Variants in ASGR2 observed in about 807,000 individuals in gnomAD.
ASGR2 encodes asialoglycoprotein receptor 2, also known as C-type lectin domain family 4 member H2.
ASGR2 carries 34 observed loss-of-function variants against 32.3 expected under a neutral mutation model. That is an observed-to-expected ratio of 1.05 (90% CI 0.80 to 1.40). The LOEUF is 1.40. Among genes scored for constraint, ASGR2 ranks in the 40% most tolerant of loss-of-function variants. The pLI is 0.00. For missense variants in ASGR2, 385 were observed against 386.4 expected (o/e 1.00, Z 0.03); for synonymous variants, 143 against 150.0 (o/e 0.95, Z 0.34).
intron 7 of ASGR2, among the ~76,000 whole-genome samples, chr17:7,105,408 G>T (rs1448879442): frequency 6.6e-6 from 1 of 152,046 alleles, no homozygotes; most frequent in East Asian, 1.9e-4. Context: ...GATTACAGTG[G>T]CTCAGACACC....
intron 7 of ASGR2, among the ~76,000 whole-genome samples, chr17:7,104,759 G>A (rs2151708345): frequency 6.6e-6 from 1 of 151,608 alleles, no homozygotes; most frequent in South Asian, 2.1e-4. Flanking sequence ...GGCGGATCAC[G>A]AGGTCAGGAG....
At position 7,107,891 on chromosome 17, in the gene ASGR2, G is replaced by C; in HGVS notation, c.354C>G (p.Asp118Glu). The C allele has an allele frequency of 6.2e-7, 1 of 1,613,320 alleles. No individual in the cohort carries two copies. The highest frequency in any genetic ancestry group is 8.5e-7 in the Non-Finnish European group (1 of 1,179,942). ...GCTTGGCTCCTAGGGATGTGATCTT[G>C]TCACCCACGCTGCCTCCTGGAAGCG... is the stretch of plus-strand genomic sequence containing the variant. ...AISTHGGSVG[D>E]KITSLGAKLE... Residue 118 changes from aspartate to glutamate, a missense_variant, in exon 5 of 9, where the codon GAC becomes GAG. Coordinates refer to ENST00000691900, the MANE Select transcript of ASGR2 (RefSeq NM_001201352.2). This position sits in a 1 kb window ranked among gnomAD's most constrained non-coding sequence, Gnocchi z 5.0.
chr17:7,107,237 T>C lies in ASGR2; in HGVS notation c.490A>G (p.Ser164Gly), dbSNP rs750890050. 4.3e-6 allele frequency: 7 copies of C among 1,614,130 alleles called. No individual in the cohort carries two copies. The highest frequency in any genetic ancestry group is 1.1e-5 in the South Asian group (1 of 91,082). ...FVACQMELLH[S>G]NGSQRTCCPV... ...GAGACGGCCCCACCCCTACCGTTGC[T>C]GTGGAGGAGCTCCATCTGGCAGGCC... The change falls in exon 6 of 9, where the codon AGC (serine) becomes GGC (glycine). Residue 164 changes from serine (S) to glycine (G), a missense_variant. By Grantham distance (56) the Ser-to-Gly change is moderately conservative (BLOSUM62 0). Coordinates refer to ENST00000691900, the MANE Select transcript of ASGR2 (RefSeq NM_001201352.2). The surrounding 1 kb of genome is among the most constrained non-coding windows in gnomAD (Gnocchi z 5.0).
At chr17:7,103,743 C>T (rs1180290003) in intron 7 of ASGR2, among the ~76,000 whole-genome samples, 1 of 152,024 alleles carries the variant, frequency 6.6e-6, no homozygotes, top group Non-Finnish European at 1.5e-5. Flanking sequence ...GAAAAGAAGC[C>T]TTGTTTCGGA....
rs1478649379 is a variant in ASGR2, at chr17:7,104,372, C to CAAAAA, written c.649-2177_649-2176insTTTTT. 5.4e-4 allele frequency among the ~76,000 whole-genome samples: 46 copies of CAAAAA among 85,032 alleles called. 2 individuals are homozygous for CAAAAA. The highest frequency in any genetic ancestry group is 8.8e-4 in the Non-Finnish European group (38 of 43,396). The allele number at this position is 85,032 out of a possible 152,430, so 55.8% of individuals were successfully genotyped here. ...TTAAAAAAAAAAAAAAAAAAAAAAG[C>CAAAAA]CAGGCGTAGTGGCTCATGCCTGTAA... is the stretch of plus-strand genomic sequence containing the variant. On this transcript the variant is annotated intron_variant, in intron 7 of 8. Transcript: ENST00000691900.
intron 8 of ASGR2, 49 bp downstream of exon 8, chr17:7,102,041 G>T (rs763100608): frequency 6.4e-7 from 1 of 1,558,358 alleles, no homozygotes; most frequent in Non-Finnish European, 8.9e-7. Flanking sequence ...AGGCCAGGGG[G>T]CTGTCCCCAG....
Position 7,108,834 on chromosome 17 carries a change from C to A in ASGR2, c.179G>T (p.Ser60Ile), listed in dbSNP as rs947513966. 10 of 1,613,442 alleles carry A rather than the reference C, an allele frequency of 6.2e-6. No homozygotes were observed. Among genetic ancestry groups the A allele is most frequent in the Non-Finnish European group, 7.6e-6 (9 of 1,179,780 alleles). Residue 60 changes from serine (S) to isoleucine (I), a missense_variant, in exon 3 of 9, where the codon AGT becomes ATT. Coordinates refer to ENST00000691900, the MANE Select transcript of ASGR2 (RefSeq NM_001201352.2). The surrounding 1 kb of genome is among the most constrained non-coding windows in gnomAD (Gnocchi z 4.9). ...AQRLCSMVCF[S>I]LLALSFNILL... ...GATGTTGAAGCTCAGGGCAAGCAGA[C>A]TGAAGCAGACCATGGAGCAGAGACG...
At position 7,114,000 on chromosome 17, in the gene ASGR2, G is replaced by C. The variant is rs1398612149; in HGVS notation, c.124+117C>G. 6.9e-7 allele frequency: 1 copy of C among 1,452,018 alleles called. No individual in the cohort carries two copies. The highest frequency in any genetic ancestry group is 1.3e-5 in the South Asian group (1 of 77,128). The allele number at this position is 1,452,018 out of a possible 1,614,324, so 89.9% of individuals were successfully genotyped here. A position where few individuals can be genotyped will look rare whatever the true frequency, so the allele number is the denominator to read the frequency against. ...AGGTGAGGTGAGGGAACAAGCGGGG[G>C]TGTCGGGCCCTCCTCAGTCCCTGTT... On this transcript the variant is annotated intron_variant, in intron 2 of 8. Coordinates refer to ENST00000691900, the MANE Select transcript of ASGR2 (RefSeq NM_001201352.2). The surrounding 1 kb of genome is among the most constrained non-coding windows in gnomAD (Gnocchi z 5.1).
In ASGR2 at chr17:7,102,982, G is replaced by A. The variant is rs370630917; in HGVS notation, c.649-786C>T. On this transcript the variant is annotated intron_variant, in intron 7 of 8. Transcript: ENST00000691900. The stretch of plus-strand genomic sequence containing the variant: ...CCACGCGCACCCACACTCCCAGCAC[G>A]GTAGCCCCTCCAAGTGGCTTTCTCT... 4.1e-4 allele frequency among the ~76,000 whole-genome samples: 62 copies of A among 152,260 alleles called. No homozygotes were observed. In the South Asian group the frequency reaches 0.012, roughly 29 times the overall value.
intron 2 of ASGR2, among the ~76,000 whole-genome samples, chr17:7,110,793 C>T (rs887093979): frequency 6.6e-5 from 10 of 152,200 alleles, no homozygotes; most frequent in Admixed American, 3.9e-4. Context: ...TAGAACATGG[C>T]AGCTTTCAAG....
rs555774292 is a variant in ASGR2, at chr17:7,114,414, C to T, written c.-70-104G>A. ...TGGGTAGGATCTGAGGTTGGCAGGG[C>T]GTTTGGGATGAGGTTTGAAATCCCG... On this transcript the variant is annotated intron_variant, in intron 1 of 8. Coordinates refer to ENST00000691900, the MANE Select transcript of ASGR2 (RefSeq NM_001201352.2). The surrounding 1 kb of genome is among the most constrained non-coding windows in gnomAD (Gnocchi z 4.5). 4.9e-6 allele frequency: 7 copies of T among 1,430,524 alleles called. No individual in the cohort carries two copies. The African/African-American group carries it at 5.8e-5, about 12-fold the overall frequency. The allele number at this position is 1,430,524 out of a possible 1,614,324, so 88.6% of individuals were successfully genotyped here. A position where few individuals can be genotyped will look rare whatever the true frequency, so the allele number is the denominator to read the frequency against.
chr17:7,105,791 A>ATT (rs55800489), intron 7 of ASGR2, among the ~76,000 whole-genome samples: 11,399 of 146,216 alleles, frequency 0.078, 454 homozygotes, highest in Middle Eastern at 0.1. Context: ...TTAAATTAGC[A>ATT]TTTTTTTTTT....
rs1491090087 is a variant in ASGR2, at chr17:7,113,706, ACT to A, written c.124+409_124+410del. 6.7e-4 allele frequency among the ~76,000 whole-genome samples: 80 copies of A among 118,886 alleles called. No individual in the cohort carries two copies. Among genetic ancestry groups the A allele is most frequent in the Non-Finnish European group, 9.1e-4 (50 of 54,986 alleles). 78.0% of individuals were successfully genotyped at this position (118,886 alleles called of 152,430 possible). A position where few individuals can be genotyped will look rare whatever the true frequency, so the allele number is the denominator to read the frequency against. On this transcript the variant is annotated intron_variant, in intron 2 of 8. Coordinates refer to ENST00000691900, the MANE Select transcript of ASGR2 (RefSeq NM_001201352.2). This position sits in a 1 kb window ranked among gnomAD's most constrained non-coding sequence, Gnocchi z 5.1. ...CTCACACAACATACACACACAACAC[ACT>A]CTCACACACAACATACCCTCTCACA...
chr17:7,113,552 T>TC lies in ASGR2; in HGVS notation c.124+564_124+565insG, dbSNP rs369760556. 0.6 allele frequency among the ~76,000 whole-genome samples: 88,536 copies of TC among 147,424 alleles called. 26,104 individuals carry two copies. The highest frequency in any genetic ancestry group is 0.65 in the Admixed American group (9,692 of 14,960). On this transcript the variant is annotated intron_variant, in intron 2 of 8. Transcript: ENST00000691900. The surrounding 1 kb of genome is among the most constrained non-coding windows in gnomAD (Gnocchi z 5.1). ...TACACACACTCATACACAACATACATACACACAACATACACACAACATACA... is the reference window on the plus strand; with the variant it reads ...TACACACACTCATACACAACATACATCACACACAACATACACACAACATACA...
At position 7,101,338 on chromosome 17, in the gene ASGR2, T is replaced by C. The variant is rs1380108846; in HGVS notation, c.*237A>G. ...GGCCACACAGAGATTCAAGCATTTGTTTCTTCTTTCCTACGCCATTGAAGA... is the reference window on the plus strand; with the variant it reads ...GGCCACACAGAGATTCAAGCATTTGCTTCTTCTTTCCTACGCCATTGAAGA... On this transcript the variant is annotated 3_prime_UTR_variant, in exon 9 of 9. Transcript: ENST00000691900. The C allele has an allele frequency of 6.1e-6, 3 of 489,148 alleles. No homozygotes were observed. Among genetic ancestry groups the C allele is most frequent in the African/African-American group, 3.8e-5 (2 of 52,164 alleles). 30.3% of individuals were successfully genotyped at this position (489,148 alleles called of 1,614,324 possible). A position where few individuals can be genotyped will look rare whatever the true frequency, so the allele number is the denominator to read the frequency against.
chr17:7,106,129 T>A (rs1014989727), intron 7 of ASGR2, among the ~76,000 whole-genome samples: 3 of 152,046 alleles, frequency 2.0e-5, no homozygotes, highest in Non-Finnish European at 4.4e-5. Context: ...GTCGATATAT[T>A]TTTTTTAACT....
Position 7,107,768 on chromosome 17 carries a change from T to TACACATTACACACACAGC in ASGR2, c.409+67_409+68insGCTGTGTGTGTAATGTGT. The stretch of plus-strand genomic sequence containing the variant: ...GTGCACACTACACACACCGCACACG[T>TACACATTACACACACAGC]ACACACTACACACACCGCACACGTA... On this transcript the variant is annotated intron_variant, in intron 5 of 8. Coordinates refer to ENST00000691900, the MANE Select transcript of ASGR2 (RefSeq NM_001201352.2). This position sits in a 1 kb window ranked among gnomAD's most constrained non-coding sequence, Gnocchi z 5.0. 8 of 951,186 alleles carry TACACATTACACACACAGC rather than the reference T, an allele frequency of 8.4e-6. No homozygotes were observed. Among genetic ancestry groups the TACACATTACACACACAGC allele is most frequent in the Non-Finnish European group, 1.0e-5 (7 of 666,854 alleles). The allele number at this position is 951,186 out of a possible 1,614,324, so 58.9% of individuals were successfully genotyped here.
In ASGR2 at chr17:7,114,176, T is replaced by C. The variant is rs1407142951; in HGVS notation, c.65A>G (p.Gln22Arg). 3 of 1,614,052 alleles carry C rather than the reference T, an allele frequency of 1.9e-6. No homozygotes were observed. In the African/African-American group the frequency reaches 4.0e-5, roughly 22 times the overall value. The change falls in exon 2 of 9, where the codon CAA becomes CGA. Residue 22 changes from glutamine to arginine, a missense_variant. By Grantham distance (43) the Gln-to-Arg change is conservative. Coordinates refer to ENST00000691900, the MANE Select transcript of ASGR2 (RefSeq NM_001201352.2). This position sits in a 1 kb window ranked among gnomAD's most constrained non-coding sequence, Gnocchi z 4.5. Reference protein sequence around the residue: ...SSEENDHPFHQGEGPGTRRLN... With the variant: ...SSEENDHPFHRGEGPGTRRLN... ...CCTGCGAGTGCCTGGCCCCTCACCT[T>C]GATGGAAAGGATGGTCATTTTCCTC... is the stretch of plus-strand genomic sequence containing the variant.
Position 7,107,887 on chromosome 17 carries a change from T to C in ASGR2, c.358A>G (p.Ile120Val). ...TCCAGCTTGGCTCCTAGGGATGTGA[T>C]CTTGTCACCCACGCTGCCTCCTGGA... ...STHGGSVGDK[I>V]TSLGAKLEKQ... The change falls in exon 5 of 9, where the codon ATC becomes GTC. Residue 120 changes from isoleucine to valine, a missense_variant. Ile to Val is a conservative substitution (Grantham distance 29, BLOSUM62 3). Coordinates refer to ENST00000691900, the MANE Select transcript of ASGR2 (RefSeq NM_001201352.2). The surrounding 1 kb of genome is among the most constrained non-coding windows in gnomAD (Gnocchi z 5.0). The C allele has an allele frequency of 6.2e-7, 1 of 1,613,210 alleles. No individual in the cohort carries two copies.
Sources: gnomAD v4.1 joint callset for allele counts (sites outside exome capture counted in the v4.1 genomes callset) on GRCh38, gnomAD v4.1.1 for gene constraint, Gnocchi (gnomAD v3.1) non-coding constraint, MANE v1.5 for transcripts, NCBI Gene and HGNC (gene_info 2026-07-23, HGNC 2026-07-21) for gene names.